KCNC2: variants seen among roughly 807,000 people sequenced by gnomAD.
The protein encoded by KCNC2 is voltage-gated potassium channel KCNC2.
Under a neutral mutation model 44.5 loss-of-function variants are expected in KCNC2, and 21 were observed. The observed-to-expected ratio is 0.47, with a 90% CI of 0.33 to 0.68. KCNC2 has a LOEUF of 0.68. Ranked by LOEUF, KCNC2 falls within the 30% of genes least tolerant of loss-of-function variation. The pLI is 0.01. For missense variants in KCNC2, 589 were observed against 826.2 expected (o/e 0.71, Z 3.52); for synonymous variants, 391 against 339.1 (o/e 1.15, Z -1.68).
chr12:75,201,220 G>A (rs2031217485), intron 2 of KCNC2, among the ~76,000 whole-genome samples: 1 of 121,818 alleles, frequency 8.2e-6, no homozygotes, highest in Non-Finnish European at 1.6e-5. Context: ...CTACCCAACA[G>A]CTGTAGGGAA....
At chr12:75,208,541 T>C (rs1398013628) in intron 1 of KCNC2, among the ~76,000 whole-genome samples, 2 of 151,802 alleles carry the variant, frequency 1.3e-5, no homozygotes, top group African/African-American at 4.8e-5. Flanking sequence ...GGAGTTTTCC[T>C]CAGGCAACTT....
chr12:75,096,138 C>T (rs962821089), intron 2 of KCNC2, among the ~76,000 whole-genome samples: 1 of 151,958 alleles, frequency 6.6e-6, no homozygotes, highest in Non-Finnish European at 1.5e-5. Flanking sequence ...CCACAGTTGG[C>T]ACTTACATTA....
At position 75,140,900 on chromosome 12, in the gene KCNC2, C is replaced by T. The variant is rs760148245; in HGVS notation, c.687+66397G>A. On this transcript the variant is annotated intron_variant, in intron 2 of 4. Transcript: ENST00000549446. Reference sequence around the variant, plus strand: ...CAAGAAAAAAAAAACAAAAAACAAACTTATGCTTTAAAAAAGTGGAGGAAA... The same window carrying T: ...CAAGAAAAAAAAAACAAAAAACAAATTTATGCTTTAAAAAAGTGGAGGAAA... Among the ~76,000 whole-genome samples the T allele has an allele frequency of 5.4e-4, 82 of 151,516 alleles. 1 individual carries two copies. The highest frequency in any genetic ancestry group is 1.0e-3 in the Non-Finnish European group (69 of 67,814).
intron 2 of KCNC2, among the ~76,000 whole-genome samples, chr12:75,075,482 T>TATATATAC (rs1285443264): frequency 4.7e-5 from 6 of 127,256 alleles, no homozygotes; most frequent in African/African-American, 1.6e-4. Context: ...TATATATATA[T>TATATATAC]ACACATATAT....
At chr12:75,137,530 A>G (rs574726740) in intron 2 of KCNC2, among the ~76,000 whole-genome samples, 36 of 152,304 alleles carry the variant, frequency 2.4e-4, no homozygotes, top group African/African-American at 8.7e-4. Flanking sequence ...TAAAAGAAAT[A>G]ATGACATAAT....
intron 2 of KCNC2, among the ~76,000 whole-genome samples, chr12:75,063,411 G>A (rs1377820520): frequency 6.6e-6 from 1 of 151,970 alleles, no homozygotes; most frequent in Non-Finnish European, 1.5e-5. Context: ...TTCAATCCAA[G>A]ACTCAACATG....
intron 2 of KCNC2, among the ~76,000 whole-genome samples, chr12:75,152,900 A>G (rs962907141): frequency 5.3e-5 from 8 of 152,012 alleles, no homozygotes; most frequent in African/African-American, 1.9e-4. Context: ...TAGTACACAC[A>G]ACATTCGAAA....
chr12:75,124,660 T>TA (rs1888274265), intron 2 of KCNC2: 1 of 152,210 alleles, frequency 6.6e-6, no homozygotes, highest in South Asian at 2.1e-4. Flanking sequence ...TCATAAAATT[T>TA]AAAATTTTTT....
At chr12:75,089,648 A>G (rs1412970183) in intron 2 of KCNC2, among the ~76,000 whole-genome samples, 1 of 151,846 alleles carries the variant, frequency 6.6e-6, no homozygotes, top group Non-Finnish European at 1.5e-5. Context: ...CATTTTCTTT[A>G]CAAGTGAGGA....
intron 2 of KCNC2, among the ~76,000 whole-genome samples, chr12:75,154,569 A>T (rs992053425): frequency 4.2e-4 from 64 of 152,164 alleles, no homozygotes; most frequent in African/African-American, 1.5e-3. Context: ...GATAAGCTAC[A>T]ATAAATCAGA....
chr12:75,199,608 T>C (rs184025450), intron 2 of KCNC2, among the ~76,000 whole-genome samples: 1 of 152,056 alleles, frequency 6.6e-6, no homozygotes, highest in Admixed American at 6.6e-5. Flanking sequence ...GTTTTTTCTG[T>C]ATTGTATTTA....
At chr12:75,185,570 G>A (rs1430834139) in intron 2 of KCNC2, among the ~76,000 whole-genome samples, 2 of 151,720 alleles carry the variant, frequency 1.3e-5, no homozygotes, top group African/African-American at 2.4e-5. Context: ...CACACTAGAT[G>A]CTGGCACCAT....
chr12:75,157,825 G>GA (rs1890865539), intron 2 of KCNC2, among the ~76,000 whole-genome samples: 1 of 151,808 alleles, frequency 6.6e-6, no homozygotes, highest in African/African-American at 2.4e-5. Flanking sequence ...TGCCGCAAAT[G>GA]AAAAATACAA....
At chr12:75,094,989 C>T (rs1450917381) in intron 2 of KCNC2, among the ~76,000 whole-genome samples, 1 of 151,776 alleles carries the variant, frequency 6.6e-6, no homozygotes, top group Non-Finnish European at 1.5e-5. Flanking sequence ...AATAAATTAA[C>T]AACTTCTAAT....
At chr12:75,128,909 C>G (rs1001984163) in intron 2 of KCNC2, among the ~76,000 whole-genome samples, 5 of 152,172 alleles carry the variant, frequency 3.3e-5, no homozygotes, top group Middle Eastern at 3.2e-3. Flanking sequence ...CTCAGCATTT[C>G]AATTGATATT....
At chr12:75,074,498 T>C (rs574070498) in intron 2 of KCNC2, among the ~76,000 whole-genome samples, 1 of 152,178 alleles carries the variant, frequency 6.6e-6, no homozygotes, top group Non-Finnish European at 1.5e-5. Flanking sequence ...TAACATCATA[T>C]CAAGTTTCCT....
At chr12:75,107,802 G>T (rs1199625457) in intron 2 of KCNC2, among the ~76,000 whole-genome samples, 5 of 152,088 alleles carry the variant, frequency 3.3e-5, no homozygotes, top group African/African-American at 1.2e-4. Flanking sequence ...AAATATTCAG[G>T]AAGAGCTGCA....
chr12:75,130,524 G>T (rs79108986), intron 2 of KCNC2, among the ~76,000 whole-genome samples: 2 of 152,046 alleles, frequency 1.3e-5, no homozygotes, highest in African/African-American at 2.4e-5. Context: ...GAAATGTTAC[G>T]GTTGTAAAGA....
At chr12:75,059,032 A>C (rs938561657) in intron 2 of KCNC2, among the ~76,000 whole-genome samples, 3 of 152,040 alleles carry the variant, frequency 2.0e-5, no homozygotes, top group Non-Finnish European at 4.4e-5. Context: ...CAGACACTAG[A>C]GTCTCCCTTC....
Sources: gnomAD v4.1 joint callset for allele counts (sites outside exome capture counted in the v4.1 genomes callset) on GRCh38, gnomAD v4.1.1 for gene constraint, MANE v1.5 for transcripts, NCBI Gene and HGNC (gene_info 2026-07-23, HGNC 2026-07-21) for gene names.